Variants in ELN observed in about 807,000 individuals in gnomAD.
ELN encodes the protein elastin.
A neutral mutation model predicts 105.8 loss-of-function variants in ELN; 65 were observed. That is an observed-to-expected ratio of 0.61 (90% CI 0.50 to 0.75). The LOEUF (loss-of-function observed/expected upper bound fraction) is 0.75. Ranked by LOEUF, ELN falls within the 30% of genes least tolerant of loss-of-function variation. The pLI is 0.00. For missense variants in ELN, 882 were observed against 969.4 expected (o/e 0.91, Z 1.20); for synonymous variants, 368 against 389.2 (o/e 0.95, Z 0.64).
chr7:74,063,419 G>C lies in ELN; in HGVS notation c.1918+50G>C. ...CTGCCGCCAGGCCCCCAGGCCCCCAGGGTGTGGGAGGAGCTTCTGACCAGG... is the reference window on the plus strand; with the variant it reads ...CTGCCGCCAGGCCCCCAGGCCCCCACGGTGTGGGAGGAGCTTCTGACCAGG... On this transcript the variant is annotated intron_variant, in intron 28 of 32. Coordinates refer to ENST00000252034, the MANE Select transcript of ELN (RefSeq NM_000501.4). This position sits in a 1 kb window ranked among gnomAD's most constrained non-coding sequence, Gnocchi z 4.1. 1 of 1,546,076 alleles carries C rather than the reference G, an allele frequency of 6.5e-7. No homozygotes were observed. Among genetic ancestry groups the C allele is most frequent in the Non-Finnish European group, 8.7e-7 (1 of 1,148,726 alleles).
chr7:74,037,793 G>A, intron 4 of ELN, 54 bp downstream of exon 4: 3 of 1,595,852 alleles, frequency 1.9e-6, no homozygotes, highest in Non-Finnish European at 2.6e-6. Flanking sequence ...TGGGGAGGGA[G>A]GAGCCTACCC....
At chr7:74,057,159 A>G (rs1392311030) in intron 21 of ELN, among the ~76,000 whole-genome samples, 3 of 151,816 alleles carry the variant, frequency 2.0e-5, no homozygotes, top group Admixed American at 2.0e-4. Flanking sequence ...AATGGCTTGA[A>G]CCCGGGAGGT....
chr7:74,065,174 G>A (rs1554688169), intron 29 of ELN, among the ~76,000 whole-genome samples: 24 of 151,356 alleles, frequency 1.6e-4, no homozygotes. Flanking sequence ...ACTTGAACCC[G>A]GGAGTTCAGG....
At chr7:74,053,356 G>GTA (rs1794539229) in intron 18 of ELN, 47 bp downstream of exon 18, 2 of 1,258,524 alleles carry the variant, frequency 1.6e-6, no homozygotes, top group Admixed American at 3.0e-5. Flanking sequence ...GTGTGTGTGT[G>GTA]TGTATTAGAG....
Position 74,056,305 on chromosome 7 carries a change from T to G in ELN, c.1185T>G (p.Pro395=), listed in dbSNP as rs782143535. ...ARPGVGVGGI[P]TYGVGAGGFP... Reference sequence around the variant, plus strand: ...CCGGAGTCGGAGTTGGAGGCATTCCTACTTACGGGGTTGGAGCTGGGGGCT... The same window carrying G: ...CCGGAGTCGGAGTTGGAGGCATTCCGACTTACGGGGTTGGAGCTGGGGGCT... Residue 395 remains proline (P), a synonymous_variant, in exon 20 of 33, where the codon CCT becomes CCG. Transcript: ENST00000252034. The G allele has an allele frequency of 3.5e-5, 57 of 1,612,736 alleles. No homozygotes were observed. The highest frequency in any genetic ancestry group is 4.6e-5 in the Non-Finnish European group (54 of 1,178,900).
chr7:74,049,063 C>T (rs1554674369), intron 15 of ELN, among the ~76,000 whole-genome samples: 1 of 112,768 alleles, frequency 8.9e-6, no homozygotes, highest in Non-Finnish European at 1.8e-5. Context: ...ATTCATCCAT[C>T]CATCTATCCA....
intron 1 of ELN, among the ~76,000 whole-genome samples, chr7:74,029,424 CAGA>C (rs1788167672): frequency 6.6e-6 from 1 of 151,672 alleles, no homozygotes; most frequent in Non-Finnish European, 1.5e-5. Flanking sequence ...CGGGGGAGGA[CAGA>C]AGAGGCTCCC....
At chr7:74,048,307 C>T in intron 14 of ELN, 106 bp downstream of exon 14, 1 of 1,546,916 alleles carries the variant, frequency 6.5e-7, no homozygotes, top group Non-Finnish European at 8.9e-7. Context: ...GCCCACCCTG[C>T]ATCCAGACCC....
chr7:74,049,559 C>T (rs1020561117), intron 15 of ELN, among the ~76,000 whole-genome samples: 1 of 147,724 alleles, frequency 6.8e-6, no homozygotes, highest in African/African-American at 2.5e-5. Flanking sequence ...CCATCCATTC[C>T]TCTAGGCACC....
intron 2 of ELN, among the ~76,000 whole-genome samples, chr7:74,035,899 A>C (rs1789826891): frequency 6.6e-6 from 1 of 152,010 alleles, no homozygotes; most frequent in Non-Finnish European, 1.5e-5. Flanking sequence ...TAATAGCACC[A>C]CTGCACTGAA....
chr7:74,060,718 CAG>C, intron 25 of ELN: 1 of 1,281,550 alleles, frequency 7.8e-7, no homozygotes, highest in Non-Finnish European at 1.1e-6. Context: ...TCTGCCTCCT[CAG>C]TAGAGGGGTG....
intron 26 of ELN, among the ~76,000 whole-genome samples, chr7:74,061,739 C>T (rs1431681240): frequency 1.3e-5 from 2 of 152,150 alleles, no homozygotes; most frequent in Non-Finnish European, 2.9e-5. Flanking sequence ...CCACTAAATG[C>T]TTATGGTGCC....
intron 21 of ELN, 158 bp from the exon 22 acceptor site, chr7:74,057,482 C>T: frequency 6.4e-7 from 1 of 1,571,144 alleles, no homozygotes; most frequent in South Asian, 1.2e-5. Context: ...AGCTGTGTCT[C>T]CAGCCCAGAG....
In ELN at chr7:74,051,800, G is replaced by A; in HGVS notation, c.850G>A (p.Gly284Ser). ...TGGTGTTGGAGGGGCTGGTGTTCCTGGCGTGCCTGGGGCAATTCCTGGAAT... is the reference window on the plus strand; with the variant it reads ...TGGTGTTGGAGGGGCTGGTGTTCCTAGCGTGCCTGGGGCAATTCCTGGAAT... ...LPGVGGAGVP[G>S]VPGAIPGIGG... The change falls in exon 16 of 33, where the codon GGC becomes AGC. Residue 284 changes from glycine to serine, a missense_variant. Physicochemically the swap from Gly to Ser is moderately conservative, Grantham distance 56 (BLOSUM62 0). Coordinates refer to ENST00000252034, the MANE Select transcript of ELN (RefSeq NM_000501.4). 6.2e-7 allele frequency: 1 copy of A among 1,614,204 alleles called. No individual in the cohort carries two copies. The highest frequency in any genetic ancestry group is 8.5e-7 in the Non-Finnish European group (1 of 1,180,030).
At chr7:74,047,325 T>C (rs1792810830) in intron 12 of ELN, among the ~76,000 whole-genome samples, 1 of 152,188 alleles carries the variant, frequency 6.6e-6, no homozygotes, top group African/African-American at 2.4e-5. Context: ...ACACGGTTCA[T>C]TGGAAAGATC....
intron 20 of ELN, 85 bp downstream of exon 20, chr7:74,056,520 T>C: frequency 1.2e-6 from 2 of 1,607,438 alleles, no homozygotes; most frequent in Non-Finnish European, 1.7e-6. Flanking sequence ...CAGTGGGGAC[T>C]GTAGATCGGG....
Position 74,068,688 on chromosome 7 carries a change from G to A in ELN, c.2163G>A (p.Arg721=). 6.2e-7 allele frequency: 1 copy of A among 1,614,138 alleles called. No individual in the cohort carries two copies. The highest frequency in any genetic ancestry group is 8.5e-7 in the Non-Finnish European group (1 of 1,180,016). Residue 721 remains arginine (R), a synonymous_variant, in exon 33 of 33, where the codon CGG becomes CGA. Transcript: ENST00000252034. ...GGACLGKACG[R]KRK is the part of the protein sequence containing the mutation. Reference sequence around the variant, plus strand: ...CCTGCCTGGGGAAAGCTTGTGGCCGGAAGAGAAAATGAGCTTCCTAGGACC... The same window carrying A: ...CCTGCCTGGGGAAAGCTTGTGGCCGAAAGAGAAAATGAGCTTCCTAGGACC...
intron 2 of ELN, 70 bp downstream of exon 2, chr7:74,035,484 T>C: frequency 1.3e-6 from 2 of 1,571,574 alleles, no homozygotes; most frequent in Non-Finnish European, 1.8e-6. Flanking sequence ...AGATGCACAT[T>C]TTGACACTAC....
chr7:74,056,631 C>T (rs1554680040), intron 20 of ELN, 41 bp from the exon 21 acceptor site: 8 of 1,613,460 alleles, frequency 5.0e-6, no homozygotes, highest in Non-Finnish European at 1.7e-6. Flanking sequence ...GAGACCCAGG[C>T]ACGGCTTCTG....
Sources: allele counts gnomAD v4.1 joint callset (sites outside exome capture counted in the v4.1 genomes callset), GRCh38; gene constraint gnomAD v4.1.1; non-coding constraint Gnocchi (gnomAD v3.1); transcripts MANE v1.5; gene names NCBI Gene and HGNC (gene_info 2026-07-23, HGNC 2026-07-21).